Variants in HDGFL3 observed in about 807,000 individuals in gnomAD.
HDGFL3 encodes the protein HDGF like 3.
A neutral mutation model predicts 27.6 loss-of-function variants in HDGFL3; 6 were observed. That is an observed-to-expected ratio of 0.22 (90% CI 0.12 to 0.43). The LOEUF (loss-of-function observed/expected upper bound fraction) is 0.43. Ranked by LOEUF, HDGFL3 falls within the 20% of genes least tolerant of loss-of-function variation. The pLI is 1.00. For synonymous variants in HDGFL3, 88 were observed against 88.9 expected (o/e 0.99, Z 0.05); for missense variants, 207 against 250.1 (o/e 0.83, Z 1.16).
downstream of HDGFL3, among the ~76,000 whole-genome samples, chr15:83,123,101 T>C (rs550021303): frequency 6.6e-6 from 1 of 152,344 alleles, no homozygotes; most frequent in South Asian, 2.1e-4. Flanking sequence ...AGGCCATACT[T>C]TGGGGAGCTT....
At chr15:83,165,475 G>C (rs2037158272) in intron 1 of HDGFL3, among the ~76,000 whole-genome samples, 1 of 152,110 alleles carries the variant, frequency 6.6e-6, no homozygotes, top group Non-Finnish European at 1.5e-5. Context: ...AGAGCCCCTA[G>C]AGAAAGAGCA....
At chr15:83,183,569 T>A (rs529028289) in intron 1 of HDGFL3, among the ~76,000 whole-genome samples, 22 of 152,192 alleles carry the variant, frequency 1.4e-4, no homozygotes, top group Admixed American at 1.2e-3. Flanking sequence ...GAGAACAGCC[T>A]GGCCAACATG....
intron 4 of HDGFL3, among the ~76,000 whole-genome samples, chr15:83,154,782 A>G (rs761491201): frequency 1.5e-4 from 23 of 152,236 alleles, no homozygotes; most frequent in Non-Finnish European, 3.1e-4. Context: ...TGTCTTTATA[A>G]GTCTTCCATG....
chr15:83,185,271 G>A (rs1596563848), intron 1 of HDGFL3, among the ~76,000 whole-genome samples: 2 of 152,150 alleles, frequency 1.3e-5, no homozygotes, highest in Admixed American at 6.5e-5. Flanking sequence ...CAATCTGCCC[G>A]TCTCAGCCTC....
At chr15:83,147,414 A>G (rs576144841) in intron 5 of HDGFL3, among the ~76,000 whole-genome samples, 2 of 151,984 alleles carry the variant, frequency 1.3e-5, no homozygotes, top group South Asian at 4.2e-4. Flanking sequence ...TTACATTATC[A>G]TTTTGTGATC....
In HDGFL3 at chr15:83,135,296, TCAG is replaced by T. The variant is rs1221707949; in HGVS notation, c.*3971_*3973del. Reference sequence around the variant, plus strand: ...GTAACACCTTTATCTGTGAAATCACTCAGCAGAATAAATTGGTTTCATATGGAA... The same window carrying T: ...GTAACACCTTTATCTGTGAAATCACTCAGAATAAATTGGTTTCATATGGAA... On this transcript the variant is annotated 3_prime_UTR_variant, in exon 6 of 6. Transcript: ENST00000299633. 1 of 152,248 alleles carries T rather than the reference TCAG, an allele frequency of 6.6e-6. No individual in the cohort carries two copies. The highest frequency in any genetic ancestry group is 1.5e-5 in the Non-Finnish European group (1 of 68,028). The allele number at this position is 152,248 out of a possible 1,614,324, so 9.4% of individuals were successfully genotyped here. A position where few individuals can be genotyped will look rare whatever the true frequency, so the allele number is the denominator to read the frequency against.
At chr15:83,116,736 C>T (rs1567137343) in intron 3 of HDGFL3, among the ~76,000 whole-genome samples, 1 of 151,942 alleles carries the variant, frequency 6.6e-6, no homozygotes, top group African/African-American at 2.4e-5. Context: ...ATGGAGGCAG[C>T]GCATGGGAAG....
At chr15:83,199,808 C>T (rs1455792295) in intron 1 of HDGFL3, among the ~76,000 whole-genome samples, 1 of 151,512 alleles carries the variant, frequency 6.6e-6, no homozygotes, top group Non-Finnish European at 1.5e-5. Flanking sequence ...TTTGGGAGGC[C>T]GAGGCGGGTG....
Position 83,135,863 on chromosome 15 carries a change from C to T in HDGFL3, c.*3407G>A, listed in dbSNP as rs1271302026. On this transcript the variant is annotated 3_prime_UTR_variant, in exon 6 of 6. Coordinates refer to ENST00000299633, the MANE Select transcript of HDGFL3 (RefSeq NM_016073.4). ...GTTGGTAACAACCTTATCTTACAAA[C>T]AACCCTTAATATTTTAAAAGCTGCA... The T allele has an allele frequency of 2.0e-5, 3 of 152,140 alleles. No individual in the cohort carries two copies. Among genetic ancestry groups the T allele is most frequent in the East Asian group, 3.9e-4 (2 of 5,194 alleles). 9.4% of individuals were successfully genotyped at this position (152,140 alleles called of 1,614,324 possible). A position where few individuals can be genotyped will look rare whatever the true frequency, so the allele number is the denominator to read the frequency against.
In HDGFL3 at chr15:83,131,313, G is replaced by A. The variant is rs562570483; in HGVS notation, c.*7957C>T. 6.6e-6 allele frequency: 1 copy of A among 151,998 alleles called. No homozygotes were observed. Among genetic ancestry groups the A allele is most frequent in the Non-Finnish European group, 1.5e-5 (1 of 68,032 alleles). 9.4% of individuals were successfully genotyped at this position (151,998 alleles called of 1,614,324 possible). A position where few individuals can be genotyped will look rare whatever the true frequency, so the allele number is the denominator to read the frequency against. ...AAAAAACCACCTTTGAAAAGTTCTA[G>A]ATCAGTATAGGCCAATGGAAGAAAT... is the stretch of plus-strand genomic sequence containing the variant. On this transcript the variant is annotated 3_prime_UTR_variant, in exon 6 of 6. Coordinates refer to ENST00000299633, the MANE Select transcript of HDGFL3 (RefSeq NM_016073.4).
At chr15:83,144,387 C>A in intron 5 of HDGFL3, 1 of 455,702 alleles carries the variant, frequency 2.2e-6, no homozygotes, top group Middle Eastern at 3.4e-4. Flanking sequence ...GTGGGCTGGA[C>A]CTAGTGACTT....
chr15:83,196,057 C>T (rs959027434), intron 1 of HDGFL3, among the ~76,000 whole-genome samples: 2 of 151,392 alleles, frequency 1.3e-5, no homozygotes, highest in Admixed American at 1.3e-4. Context: ...ATTAAATAAA[C>T]GGTCAAAAAA....
chr15:83,201,708 G>T (rs915052213), intron 1 of HDGFL3, among the ~76,000 whole-genome samples: 3 of 152,142 alleles, frequency 2.0e-5, no homozygotes. Context: ...AATCATGGAG[G>T]AACAGTAGTC....
intron 1 of HDGFL3, chr15:83,186,118 A>G (rs1273228054): frequency 6.6e-6 from 1 of 152,282 alleles, no homozygotes; most frequent in Non-Finnish European, 1.5e-5. Context: ...CCTTAAGATG[A>G]CTGCCCTTGT....
intron 2 of HDGFL3, among the ~76,000 whole-genome samples, chr15:83,160,114 A>G (rs893439975): frequency 5.3e-5 from 8 of 152,218 alleles, no homozygotes; most frequent in African/African-American, 1.9e-4. Context: ...CATTCTCAAG[A>G]AAGAGCATCA....
chr15:83,127,774 G>C lies in HDGFL3; in HGVS notation c.*11496C>G. On this transcript the variant is annotated 3_prime_UTR_variant, in exon 6 of 6. Coordinates refer to ENST00000299633, the MANE Select transcript of HDGFL3 (RefSeq NM_016073.4). ...AGCATGTGGCATTGTTGTTTTATTG[G>C]ACTGTTTCACAATCTCTGAATACCA... 3.2e-6 allele frequency: 1 copy of C among 315,872 alleles called. No homozygotes were observed. 19.6% of individuals were successfully genotyped at this position (315,872 alleles called of 1,614,324 possible).
chr15:83,167,802 T>G (rs1293950434), intron 1 of HDGFL3, among the ~76,000 whole-genome samples: 5 of 152,172 alleles, frequency 3.3e-5, no homozygotes, highest in Non-Finnish European at 5.9e-5. Flanking sequence ...AAAGAAATTC[T>G]GGATTTAAAC....
chr15:83,179,249 G>A (rs1181253541), intron 1 of HDGFL3: 2 of 152,292 alleles, frequency 1.3e-5, no homozygotes, highest in Non-Finnish European at 2.9e-5. Context: ...CCTCTCCTGA[G>A]CTGTGAGTAT....
intron 1 of HDGFL3, among the ~76,000 whole-genome samples, chr15:83,203,955 T>C (rs11259970): frequency 0.25 from 36,415 of 147,666 alleles, 4,811 homozygotes; most frequent in African/African-American, 0.34. Context: ...CTTTTTAACA[T>C]TAAGCTAGCT....
Sources: allele counts gnomAD v4.1 joint callset (sites outside exome capture counted in the v4.1 genomes callset), GRCh38; gene constraint gnomAD v4.1.1; transcripts MANE v1.5; gene names NCBI Gene and HGNC (gene_info 2026-07-23, HGNC 2026-07-21).